The following SEMA5A variants were observed in gnomAD, a reference collection of about 807,000 sequenced individuals.
The protein encoded by SEMA5A is semaphorin 5A, also known as semaphorin-5A.
In SEMA5A, 55 loss-of-function variants were observed where a neutral mutation model predicts 135.5. That is an observed-to-expected ratio of 0.41 (90% CI 0.33 to 0.51). SEMA5A has a LOEUF of 0.51. Ranked by LOEUF, SEMA5A falls within the 20% of genes least tolerant of loss-of-function variation. The pLI is 0.37. For synonymous variants in SEMA5A, 580 were observed against 546.5 expected, an observed-to-expected ratio of 1.06 and a Z score of -0.85; for missense variants, 1,290 against 1,419.9, an observed-to-expected ratio of 0.91 and a Z score of 1.47.
chr5:9,388,328 A>G (rs2126517787), intron 2 of SEMA5A, among the ~76,000 whole-genome samples: 1 of 152,334 alleles, frequency 6.6e-6, no homozygotes, highest in East Asian at 1.9e-4. Flanking sequence ...GAGGAACGAT[A>G]AAAATAAATG....
At chr5:9,295,880 A>C (rs1751310681) in intron 5 of SEMA5A, among the ~76,000 whole-genome samples, 1 of 152,228 alleles carries the variant, frequency 6.6e-6, no homozygotes, top group African/African-American at 2.4e-5. Context: ...AGAGAATTAC[A>C]TTGTACACAT....
At chr5:9,306,871 G>A (rs527456741) in intron 5 of SEMA5A, among the ~76,000 whole-genome samples, 63 of 152,304 alleles carry the variant, frequency 4.1e-4, no homozygotes, top group Non-Finnish European at 3.7e-4. Flanking sequence ...AGAAACTAAT[G>A]GCTATGGTTT....
chr5:9,252,558 G>A (rs1748853767), intron 5 of SEMA5A, among the ~76,000 whole-genome samples: 1 of 152,142 alleles, frequency 6.6e-6, no homozygotes, highest in South Asian at 2.1e-4. Flanking sequence ...TATTTCCTAA[G>A]CGAGTTTATA....
In SEMA5A at chr5:9,165,342, T is replaced by TA. The variant is rs147482717; in HGVS notation, c.1274-10648dup. 7.0e-3 allele frequency among the ~76,000 whole-genome samples: 1,074 copies of TA among 152,346 alleles called. 10 individuals are homozygous for TA. The highest frequency in any genetic ancestry group is 0.011 in the Non-Finnish European group (726 of 68,034). The stretch of plus-strand genomic sequence containing the variant: ...GAAACGAATTGAGGAAAATGTGATA[T>TA]AAAAATAGATTATTGCAAAGCATTG... On this transcript the variant is annotated intron_variant, in intron 11 of 22. Coordinates refer to ENST00000382496, the MANE Select transcript of SEMA5A (RefSeq NM_003966.3).
In SEMA5A at chr5:9,339,050, A is replaced by AT. The variant is rs543151508; in HGVS notation, c.125-1239dup. ...GACTTGTAATGTATATGATAGCTTG[A>AT]TTTTTTTAAGGATTTTCATATAAAT... On this transcript the variant is annotated intron_variant, in intron 3 of 22. Transcript: ENST00000382496. Among the ~76,000 whole-genome samples, 13 of 152,286 alleles carry AT rather than the reference A, an allele frequency of 8.5e-5. No individual in the cohort carries two copies. In the South Asian group the frequency reaches 2.3e-3, roughly 27 times the overall value.
At chr5:9,535,315 G>A (rs577708031) in intron 1 of SEMA5A, among the ~76,000 whole-genome samples, 15 of 152,282 alleles carry the variant, frequency 9.9e-5, no homozygotes, top group African/African-American at 3.4e-4. Flanking sequence ...TAGAACCTAG[G>A]AATTCCATCA....
At chr5:9,297,869 C>T (rs189786179) in intron 5 of SEMA5A, among the ~76,000 whole-genome samples, 2 of 152,136 alleles carry the variant, frequency 1.3e-5, no homozygotes, top group East Asian at 3.9e-4. Flanking sequence ...CAGGTGTGAA[C>T]CACCATGCCT....
chr5:9,104,441 G>C (rs924515861), intron 16 of SEMA5A, among the ~76,000 whole-genome samples: 2 of 152,124 alleles, frequency 1.3e-5, no homozygotes, highest in Non-Finnish European at 2.9e-5. Flanking sequence ...GTTGGGATTT[G>C]CAAGTCTTCA....
rs1741008165 is a variant in SEMA5A at position 9,124,648 on chromosome 5, G to T, written c.1600-1811C>A. 2.6e-5 allele frequency among the ~76,000 whole-genome samples: 4 copies of T among 152,226 alleles called. No individual in the cohort carries two copies. The South Asian group carries it at 8.3e-4, about 32-fold the overall frequency. On this transcript the variant is annotated intron_variant, in intron 13 of 22. Coordinates refer to ENST00000382496, the MANE Select transcript of SEMA5A (RefSeq NM_003966.3). ...TTTTTATATTTTTAGTAGAGACAGG[G>T]TTTCACCATGTTGGCCAGGCTGGTC...
At chr5:9,311,458 T>C (rs570490736) in intron 5 of SEMA5A, among the ~76,000 whole-genome samples, 28 of 151,888 alleles carry the variant, frequency 1.8e-4, no homozygotes, top group Admixed American at 1.2e-3. Context: ...ATGGATGAAA[T>C]TGGAAATCAT....
At chr5:9,412,209 A>G (rs1757124132) in intron 2 of SEMA5A, among the ~76,000 whole-genome samples, 1 of 152,038 alleles carries the variant, frequency 6.6e-6, no homozygotes, top group Non-Finnish European at 1.5e-5. Flanking sequence ...CGTCTCAGTA[A>G]AACATAGGTA....
chr5:9,135,017 G>A (rs1438571869), intron 13 of SEMA5A, among the ~76,000 whole-genome samples: 1 of 152,074 alleles, frequency 6.6e-6, no homozygotes, highest in Non-Finnish European at 1.5e-5. Context: ...AGGACCCACA[G>A]CTAATCCTAC....
chr5:9,279,649 G>A lies in SEMA5A; in HGVS notation c.270+38723C>T, dbSNP rs1208899974. Among the ~76,000 whole-genome samples the A allele has an allele frequency of 2.0e-5, 3 of 152,244 alleles. No homozygotes were observed. The South Asian group carries it at 6.2e-4, about 32-fold the overall frequency. On this transcript the variant is annotated intron_variant, in intron 5 of 22. Coordinates refer to ENST00000382496, the MANE Select transcript of SEMA5A (RefSeq NM_003966.3). ...CCTAGTGGAAGGTGATTGGATCACA[G>A]GGGCAGATTTCCCCCTTGCTGTTCT... is the stretch of plus-strand genomic sequence containing the variant.
At chr5:9,314,375 A>T (rs1752300252) in intron 5 of SEMA5A, among the ~76,000 whole-genome samples, 1 of 149,490 alleles carries the variant, frequency 6.7e-6, no homozygotes, top group Admixed American at 6.7e-5. Context: ...GAGTTCCAGA[A>T]AAAAAAAAAA....
intron 5 of SEMA5A, among the ~76,000 whole-genome samples, chr5:9,266,852 T>C (rs1228731988): frequency 6.6e-6 from 1 of 152,194 alleles, no homozygotes; most frequent in Non-Finnish European, 1.5e-5. Context: ...AGTATCAATA[T>C]GGAAAGTTCA....
chr5:9,461,524 T>C (rs1759056390), intron 1 of SEMA5A, among the ~76,000 whole-genome samples: 1 of 152,186 alleles, frequency 6.6e-6, no homozygotes, highest in South Asian at 2.1e-4. Context: ...GACAATAGAA[T>C]GGCATAGAGA....
chr5:9,324,512 C>CAGCAAAAAAA (rs1752782357), intron 4 of SEMA5A, among the ~76,000 whole-genome samples: 1 of 152,170 alleles, frequency 6.6e-6, no homozygotes, highest in Non-Finnish European at 1.5e-5. Context: ...GCCCCACATA[C>CAGCAAAAAAA]AACTCCAAAT....
intron 5 of SEMA5A, among the ~76,000 whole-genome samples, chr5:9,305,607 T>C (rs959196743): frequency 1.3e-5 from 2 of 151,896 alleles, no homozygotes; most frequent in Admixed American, 6.6e-5. Flanking sequence ...CCAACAAAAG[T>C]GTACGCCAAA....
chr5:9,350,284 A>C (rs1754056083), intron 3 of SEMA5A, among the ~76,000 whole-genome samples: 1 of 152,200 alleles, frequency 6.6e-6, no homozygotes, highest in Non-Finnish European at 1.5e-5. Context: ...TTAGGTTGGA[A>C]TCTCACAGGC....
Sources: allele counts gnomAD v4.1 joint callset (sites outside exome capture counted in the v4.1 genomes callset), GRCh38; gene constraint gnomAD v4.1.1; transcripts MANE v1.5; gene names NCBI Gene and HGNC (gene_info 2026-07-23, HGNC 2026-07-21).